EPS8: variants seen among roughly 807,000 people sequenced by gnomAD.
EPS8 encodes the protein epidermal growth factor receptor kinase substrate 8.
EPS8 carries 42 observed loss-of-function variants against 103.8 expected under a neutral mutation model. The ratio of observed to expected loss-of-function variants is 0.40; its 90% CI spans 0.32 to 0.52. The LOEUF is 0.52. Ranked by LOEUF, EPS8 falls within the 20% of genes least tolerant of loss-of-function variation. EPS8 has a pLI of 0.40. For missense variants in EPS8, 969 were observed against 1,005.1 expected (o/e 0.96, Z 0.49); for synonymous variants, 344 against 344.6 (o/e 1.00, Z 0.02).
chr12:15,703,522 T>G (rs746471154), intron 1 of EPS8, among the ~76,000 whole-genome samples: 6 of 152,004 alleles, frequency 3.9e-5, no homozygotes, highest in Non-Finnish European at 8.8e-5. Context: ...GGACATGAAT[T>G]TCAGGGAATA....
chr12:15,730,477 G>A (rs1448337193), intron 1 of EPS8, among the ~76,000 whole-genome samples: 1 of 152,112 alleles, frequency 6.6e-6, no homozygotes, highest in Admixed American at 6.5e-5. Context: ...CATGGAGCTA[G>A]GTACTTGAAG....
At chr12:15,673,274 C>T (rs1263354644) in intron 3 of EPS8, among the ~76,000 whole-genome samples, 2 of 152,066 alleles carry the variant, frequency 1.3e-5, no homozygotes, top group East Asian at 3.9e-4. Flanking sequence ...AAGAAACTAC[C>T]TTTTAAAGAT....
In EPS8 at chr12:15,684,308, T is replaced by C. The variant is rs1202541905; in HGVS notation, c.-21-1336A>G. Reference sequence around the variant, plus strand: ...GGAAGATTTTACTGACCGTCCTGGATAGATAAAATCCCACTATCAGACACT... The same window carrying C: ...GGAAGATTTTACTGACCGTCCTGGACAGATAAAATCCCACTATCAGACACT... On this transcript the variant is annotated intron_variant, in intron 1 of 20. Coordinates refer to ENST00000281172, the MANE Select transcript of EPS8 (RefSeq NM_004447.6). The surrounding 1 kb of genome is among the most constrained non-coding windows in gnomAD (Gnocchi z 4.9). 2 of 152,162 alleles carry C rather than the reference T, an allele frequency of 1.3e-5. No individual in the cohort carries two copies. Among genetic ancestry groups the C allele is most frequent in the Non-Finnish European group, 2.9e-5 (2 of 68,026 alleles). 9.4% of individuals were successfully genotyped at this position (152,162 alleles called of 1,614,324 possible).
At chr12:15,637,957 T>A (rs888772121) in intron 17 of EPS8, among the ~76,000 whole-genome samples, 2 of 152,154 alleles carry the variant, frequency 1.3e-5, no homozygotes, top group African/African-American at 4.8e-5. Context: ...TATGTATTTG[T>A]GGAATGAGTG....
rs1946509385 is a variant in EPS8 at position 15,714,716 on chromosome 12, T to C, written c.-21-31744A>G. Among the ~76,000 whole-genome samples, 1 of 152,138 alleles carries C rather than the reference T, an allele frequency of 6.6e-6. No homozygotes were observed. Among genetic ancestry groups the C allele is most frequent in the Admixed American group, 6.5e-5 (1 of 15,270 alleles). Reference sequence around the variant, plus strand: ...CAGTATTCTTGGGGCAAATGGGAAATGGGTAAAAAACAAAAATACATTCTC... The same window carrying C: ...CAGTATTCTTGGGGCAAATGGGAAACGGGTAAAAAACAAAAATACATTCTC... On this transcript the variant is annotated intron_variant, in intron 1 of 20. Coordinates refer to ENST00000281172, the MANE Select transcript of EPS8 (RefSeq NM_004447.6). The surrounding 1 kb of genome is among the most constrained non-coding windows in gnomAD (Gnocchi z 4.1).
chr12:15,651,258 C>T (rs1388961201), intron 13 of EPS8, among the ~76,000 whole-genome samples: 2 of 152,170 alleles, frequency 1.3e-5, no homozygotes, highest in Non-Finnish European at 2.9e-5. Context: ...CCCAACATTG[C>T]CTCATTTCTC....
At position 15,764,046 on chromosome 12, in the gene EPS8, T is replaced by C. The variant is rs1947068428; in HGVS notation, c.-22+25115A>G. Among the ~76,000 whole-genome samples, 1 of 152,152 alleles carries C rather than the reference T, an allele frequency of 6.6e-6. No individual in the cohort carries two copies. Among genetic ancestry groups the C allele is most frequent in the Non-Finnish European group, 1.5e-5 (1 of 68,030 alleles). ...AATAGACATACCTGAGACTAATTTA[T>C]AAAGGAAAAGAGGTTTAATGGACTC... On this transcript the variant is annotated intron_variant, in intron 1 of 20. Transcript: ENST00000281172. This position sits in a 1 kb window ranked among gnomAD's most constrained non-coding sequence, Gnocchi z 4.1.
chr12:15,750,215 A>G (rs1190652113), intron 1 of EPS8, among the ~76,000 whole-genome samples: 1 of 152,164 alleles, frequency 6.6e-6, no homozygotes, highest in Admixed American at 6.6e-5. Flanking sequence ...TAACAAAGCA[A>G]TTGTCCCTGA....
At position 15,761,768 on chromosome 12, in the gene EPS8, A is replaced by G. The variant is rs1947044305; in HGVS notation, c.-22+27393T>C. Among the ~76,000 whole-genome samples, 1 of 152,144 alleles carries G rather than the reference A, an allele frequency of 6.6e-6. No homozygotes were observed. Among genetic ancestry groups the G allele is most frequent in the Admixed American group, 6.6e-5 (1 of 15,264 alleles). On this transcript the variant is annotated intron_variant, in intron 1 of 20. Coordinates refer to ENST00000281172, the MANE Select transcript of EPS8 (RefSeq NM_004447.6). This position sits in a 1 kb window ranked among gnomAD's most constrained non-coding sequence, Gnocchi z 4.5. ...GGAAACTAGACCCCTATCTCTCGCC[A>G]CATCCAAAAATCAAAGCTAAATAGA...
At chr12:15,672,381 C>T (rs900025828) in intron 3 of EPS8, 1 of 397,398 alleles carries the variant, frequency 2.5e-6, no homozygotes, top group African/African-American at 2.1e-5. Context: ...TTCCAATACA[C>T]TCCATTTTTG....
Position 15,669,539 on chromosome 12 carries a change from A to C in EPS8, c.367-3T>G. ...AAAGGAAAATTCTCCAGTTCATTCT[A>C]TAAATAAAGTGAACATTTTATTTTG... On this transcript the variant is annotated splice_region_variant and splice_polypyrimidine_tract_variant and intron_variant, in intron 5 of 20. Coordinates refer to ENST00000281172, the MANE Select transcript of EPS8 (RefSeq NM_004447.6). The C allele has an allele frequency of 1.9e-6, 3 of 1,589,656 alleles. No individual in the cohort carries two copies. Among genetic ancestry groups the C allele is most frequent in the Non-Finnish European group, 2.6e-6 (3 of 1,167,586 alleles).
At position 15,717,259 on chromosome 12, in the gene EPS8, T is replaced by C. The variant is rs1946542523; in HGVS notation, c.-21-34287A>G. ...GAGTCAGTATGGGTTGAAGCTATTG[T>C]TTGGCTGTAGAGCTAGGATTAAAGG... On this transcript the variant is annotated intron_variant, in intron 1 of 20. Coordinates refer to ENST00000281172, the MANE Select transcript of EPS8 (RefSeq NM_004447.6). This position sits in a 1 kb window ranked among gnomAD's most constrained non-coding sequence, Gnocchi z 4.3. 6.6e-6 allele frequency among the ~76,000 whole-genome samples: 1 copy of C among 152,108 alleles called. No homozygotes were observed.
Position 15,631,634 on chromosome 12 carries a change from C to CTGGTCT in EPS8, c.1846_1851dup (p.Arg616_Pro617dup). On this transcript the variant is annotated inframe_insertion, in exon 18 of 21. Transcript: ENST00000281172. ...GGTGATGGAGCAGGGGGAGTATCAG[C>CTGGTCT]TGGTCTTGGGCCATACTCCATCCTT... is the stretch of plus-strand genomic sequence containing the variant. 3 of 1,613,758 alleles carry CTGGTCT rather than the reference C, an allele frequency of 1.9e-6. No individual in the cohort carries two copies. The highest frequency in any genetic ancestry group is 2.5e-6 in the Non-Finnish European group (3 of 1,179,870).
At chr12:15,665,997 T>C in intron 7 of EPS8, 105 bp from the exon 8 acceptor site, 1 of 1,162,322 alleles carries the variant, frequency 8.6e-7, no homozygotes, top group East Asian at 2.4e-5. Flanking sequence ...AAGAACTATG[T>C]CAAGGGACAA....
chr12:15,682,893 T>A lies in EPS8; in HGVS notation c.59A>T (p.Asn20Ile), dbSNP rs1177542832. 2 of 1,486,742 alleles carry A rather than the reference T, an allele frequency of 1.3e-6. No homozygotes were observed. Among genetic ancestry groups the A allele is most frequent in the Non-Finnish European group, 1.9e-6 (2 of 1,074,934 alleles). 92.1% of individuals were successfully genotyped at this position (1,486,742 alleles called of 1,614,324 possible). The change falls in exon 2 of 21, where the codon AAT becomes ATT. Residue 20 changes from asparagine to isoleucine, a missense_variant and splice_region_variant. Coordinates refer to ENST00000281172, the MANE Select transcript of EPS8 (RefSeq NM_004447.6). ...SSFGMYPSQM[N>I]GYGSSPTFSQ... ...ATTAAATATAAACTTTTCAACTTAC[T>A]TCATCTGAGATGGGTACATTCCAAA...
At chr12:15,652,470 A>G (rs1257064621) in intron 13 of EPS8, among the ~76,000 whole-genome samples, 1 of 152,188 alleles carries the variant, frequency 6.6e-6, no homozygotes, top group Non-Finnish European at 1.5e-5. Flanking sequence ...TAAATATTTA[A>G]GATATTTAAG....
chr12:15,664,374 A>T (rs1057342022), intron 8 of EPS8, among the ~76,000 whole-genome samples: 16 of 152,304 alleles, frequency 1.1e-4, no homozygotes, highest in African/African-American at 3.8e-4. Flanking sequence ...ACCTTTAAGA[A>T]TACAAGAAAC....
At chr12:15,654,426 G>T in intron 12 of EPS8, 133 bp from the exon 13 acceptor site, 2 of 786,320 alleles carry the variant, frequency 2.5e-6, no homozygotes, top group African/African-American at 1.8e-5. Context: ...GCTGTGCAAT[G>T]TGCTACTGAA....
chr12:15,736,493 T>A lies in EPS8; in HGVS notation c.-22+52668A>T, dbSNP rs1348711484. ...ACCTATATGGCTAGCTAAATAGATG[T>A]CACACCCTCTATCTATGTGCTGAAC... On this transcript the variant is annotated intron_variant, in intron 1 of 20. Transcript: ENST00000281172. This position sits in a 1 kb window ranked among gnomAD's most constrained non-coding sequence, Gnocchi z 4.2. Among the ~76,000 whole-genome samples, 2 of 152,218 alleles carry A rather than the reference T, an allele frequency of 1.3e-5. No homozygotes were observed. Among genetic ancestry groups the A allele is most frequent in the East Asian group, 3.8e-4 (2 of 5,202 alleles).
Sources: gnomAD v4.1 joint callset for allele counts (sites outside exome capture counted in the v4.1 genomes callset) on GRCh38, gnomAD v4.1.1 for gene constraint, Gnocchi (gnomAD v3.1) non-coding constraint, MANE v1.5 for transcripts, NCBI Gene and HGNC (gene_info 2026-07-23, HGNC 2026-07-21) for gene names.